Variants in RALYL observed in about 807,000 individuals in gnomAD.
The protein encoded by RALYL is RALY RNA binding protein like.
In RALYL, 29 loss-of-function variants were observed where a neutral mutation model predicts 35.1. The ratio of observed to expected loss-of-function variants is 0.83; its 90% CI spans 0.61 to 1.13. The LOEUF is 1.13. RALYL is among the 50% of genes most tolerant of loss of function. The pLI is 0.00. For synonymous variants in RALYL, 120 were observed against 127.6 expected (o/e 0.94, Z 0.40); for missense variants, 359 against 360.4 (o/e 1.00, Z 0.03).
chr8:84,811,979 C>T lies in RALYL; in HGVS notation c.365+7177C>T, dbSNP rs367956030. Among the ~76,000 whole-genome samples the T allele has an allele frequency of 8.7e-4, 132 of 152,262 alleles. 1 individual carries two copies. The highest frequency in any genetic ancestry group is 2.8e-3 in the African/African-American group (118 of 41,540). ...CCTCCCTGATTAGCTTAATAACTAA[C>T]CTCCTGAACCCTTTTTCAGGTAAAT... On this transcript the variant is annotated intron_variant, in intron 4 of 8. Transcript: ENST00000521268.
intron 3 of RALYL, among the ~76,000 whole-genome samples, chr8:84,788,946 G>T (rs1820177707): frequency 6.6e-6 from 1 of 152,204 alleles, no homozygotes; most frequent in African/African-American, 2.4e-5. Flanking sequence ...TTAGTGAGCA[G>T]GTAGGAAGAC....
chr8:84,266,166 T>C (rs772767027), intron 1 of RALYL, among the ~76,000 whole-genome samples: 1 of 152,162 alleles, frequency 6.6e-6, no homozygotes, highest in Non-Finnish European at 1.5e-5. Context: ...CCTAGCCAAC[T>C]TGGCTCCTTC....
intron 2 of RALYL, among the ~76,000 whole-genome samples, chr8:84,699,225 T>G (rs1260252457): frequency 6.6e-6 from 1 of 152,090 alleles, no homozygotes; most frequent in Non-Finnish European, 1.5e-5. Flanking sequence ...ATAAACTCAG[T>G]ACTATCCCTT....
intron 2 of RALYL, among the ~76,000 whole-genome samples, chr8:84,699,231 C>T (rs557061278): frequency 6.6e-6 from 1 of 152,024 alleles, no homozygotes; most frequent in Non-Finnish European, 1.5e-5. Flanking sequence ...TCAGTACTAT[C>T]CCTTCATCTC....
intron 1 of RALYL, among the ~76,000 whole-genome samples, chr8:84,185,789 A>G (rs1251992519): frequency 1.3e-5 from 2 of 152,178 alleles, no homozygotes; most frequent in Non-Finnish European, 2.9e-5. Context: ...AGAAATAAAA[A>G]CTGACTGCAA....
At chr8:84,814,740 T>C (rs1826777834) in intron 4 of RALYL, among the ~76,000 whole-genome samples, 1 of 152,178 alleles carries the variant, frequency 6.6e-6, no homozygotes, top group Non-Finnish European at 1.5e-5. Flanking sequence ...CAACTATATA[T>C]ATGATATAAA....
At chr8:84,235,103 C>G (rs926999211) in intron 1 of RALYL, among the ~76,000 whole-genome samples, 21 of 152,086 alleles carry the variant, frequency 1.4e-4, no homozygotes, top group Non-Finnish European at 1.5e-5. Context: ...TTGCTTTGTT[C>G]TAAGTAGCAT....
At position 84,834,914 on chromosome 8, in the gene RALYL, C is replaced by T. The variant is rs576031532; in HGVS notation, c.366-15066C>T. ...CACCTGCCTTTTCAGAGCTTATGAT[C>T]TAGTGAGATAGACTCATAAACAGCC... On this transcript the variant is annotated intron_variant, in intron 4 of 8. Coordinates refer to ENST00000521268, the MANE Select transcript of RALYL (RefSeq NM_173848.7). 1.1e-4 allele frequency among the ~76,000 whole-genome samples: 17 copies of T among 152,198 alleles called. No individual in the cohort carries two copies. The South Asian group carries it at 3.3e-3, about 30-fold the overall frequency.
At chr8:84,202,198 T>C (rs973549558) in intron 1 of RALYL, among the ~76,000 whole-genome samples, 1 of 150,736 alleles carries the variant, frequency 6.6e-6, no homozygotes, top group Non-Finnish European at 1.5e-5. Flanking sequence ...TTAATTTATA[T>C]TTTTGGTTTA....
intron 4 of RALYL, among the ~76,000 whole-genome samples, chr8:84,825,782 C>T (rs537250920): frequency 3.3e-5 from 5 of 152,172 alleles, no homozygotes; most frequent in South Asian, 2.1e-4. Flanking sequence ...GCAGGAGAAC[C>T]GCTTGAACCC....
intron 1 of RALYL, among the ~76,000 whole-genome samples, chr8:84,486,553 G>T (rs1157442203): frequency 1.3e-5 from 2 of 151,660 alleles, no homozygotes; most frequent in Non-Finnish European, 2.9e-5. Flanking sequence ...CTCATATTTG[G>T]TCAGAGGATA....
intron 1 of RALYL, among the ~76,000 whole-genome samples, chr8:84,294,058 CTG>C (rs1839301772): frequency 6.6e-6 from 1 of 152,082 alleles, no homozygotes; most frequent in African/African-American, 2.4e-5. Flanking sequence ...GCATGAAGAA[CTG>C]TAGGGTTTTC....
At chr8:84,808,434 G>A (rs1825169915) in intron 4 of RALYL, among the ~76,000 whole-genome samples, 1 of 152,170 alleles carries the variant, frequency 6.6e-6, no homozygotes, top group Non-Finnish European at 1.5e-5. Flanking sequence ...AAATCAGGTA[G>A]TGTGATGCCT....
chr8:84,730,114 A>C (rs1417314340), intron 2 of RALYL, among the ~76,000 whole-genome samples: 1 of 152,148 alleles, frequency 6.6e-6, no homozygotes, highest in African/African-American at 2.4e-5. Context: ...TCCTTGATGA[A>C]CATTGATGCA....
At chr8:84,520,733 A>G (rs1395735214) in intron 1 of RALYL, among the ~76,000 whole-genome samples, 2 of 152,168 alleles carry the variant, frequency 1.3e-5, no homozygotes, top group Non-Finnish European at 2.9e-5. Context: ...TGAGGGATCT[A>G]TGTTGCGTGC....
intron 8 of RALYL, among the ~76,000 whole-genome samples, chr8:84,910,166 A>G (rs1402655853): frequency 6.6e-6 from 1 of 152,142 alleles, no homozygotes; most frequent in Non-Finnish European, 1.5e-5. Context: ...ATTTTTCATG[A>G]CACTTGCAAT....
At chr8:84,800,369 T>C (rs1005580419) in intron 3 of RALYL, among the ~76,000 whole-genome samples, 5 of 152,366 alleles carry the variant, frequency 3.3e-5, no homozygotes, top group East Asian at 1.9e-4. Context: ...GATTGTATCA[T>C]GACGTTTAAA....
intron 2 of RALYL, among the ~76,000 whole-genome samples, chr8:84,607,081 A>T (rs893246930): frequency 1.3e-5 from 2 of 152,020 alleles, no homozygotes; most frequent in African/African-American, 4.8e-5. Context: ...TATAATGATT[A>T]TTTGTGTTAT....
chr8:84,339,637 C>G (rs1037699125), intron 1 of RALYL, among the ~76,000 whole-genome samples: 1 of 151,360 alleles, frequency 6.6e-6, no homozygotes, highest in African/African-American at 2.4e-5. Flanking sequence ...CTGAAAGCAC[C>G]CCACCCCCCA....
Sources: gnomAD v4.1 joint callset for allele counts (sites outside exome capture counted in the v4.1 genomes callset) on GRCh38, gnomAD v4.1.1 for gene constraint, MANE v1.5 for transcripts, NCBI Gene and HGNC (gene_info 2026-07-23, HGNC 2026-07-21) for gene names.